Variants in AR observed in about 807,000 individuals in gnomAD.
AR encodes androgen receptor.
Under a neutral mutation model 53.9 loss-of-function variants are expected in AR, and 8 were observed. That is an observed-to-expected ratio of 0.15 (90% CI 0.09 to 0.27). The LOEUF (loss-of-function observed/expected upper bound fraction) is 0.27. AR is among the 10% of genes least tolerant of loss of function. AR has a pLI of 1.00. For missense variants in AR, 639 were observed against 742.5 expected (o/e 0.86, Z 1.62); for synonymous variants, 359 against 316.4 (o/e 1.13, Z -1.43).
At chrX:67,629,216 C>T (rs1270196095) in intron 1 of AR, among the ~76,000 whole-genome samples, 12 of 108,354 alleles carry the variant, frequency 1.1e-4, no homozygotes, top group African/African-American at 4.0e-4. Context: ...GGAATGGTAC[C>T]AGTTCCTCCT....
At chrX:67,581,865 T>C (rs1922314400) in intron 1 of AR, among the ~76,000 whole-genome samples, 2 of 111,004 alleles carry the variant, frequency 1.8e-5, no homozygotes, top group Admixed American at 1.9e-4. Context: ...TAATAGAATT[T>C]TACAAGACTC....
chrX:67,672,607 A>G lies in AR; in HGVS notation c.1769-13403A>G, dbSNP rs778074837. Among the ~76,000 whole-genome samples the G allele has an allele frequency of 2.0e-3, 222 of 111,597 alleles. 1 individual carries two copies. The highest frequency in any genetic ancestry group is 0.019 in the South Asian group (51 of 2,644). ...GATGACAACACTCTATCGCATAAAAAAACATGGAAAGAGAAAACTAATAAA... is the reference window on the plus strand; with the variant it reads ...GATGACAACACTCTATCGCATAAAAGAACATGGAAAGAGAAAACTAATAAA... On this transcript the variant is annotated intron_variant, in intron 2 of 7. Coordinates refer to ENST00000374690, the MANE Select transcript of AR (RefSeq NM_000044.6).
At chrX:67,584,029 A>C (rs1395552273) in intron 1 of AR, among the ~76,000 whole-genome samples, 2 of 112,578 alleles carry the variant, frequency 1.8e-5, no homozygotes, top group Non-Finnish European at 3.8e-5. Context: ...ATGAGTTAGC[A>C]GATATAAAAT....
intron 4 of AR, among the ~76,000 whole-genome samples, chrX:67,712,668 T>G (rs2076098324): frequency 1.8e-5 from 2 of 112,188 alleles, no homozygotes; most frequent in Non-Finnish European, 1.9e-5. Flanking sequence ...AGGGAAGCCC[T>G]AGGTCACTCT....
chrX:67,657,703 C>T (rs1365397799), intron 2 of AR, among the ~76,000 whole-genome samples: 2 of 111,804 alleles, frequency 1.8e-5, no homozygotes, highest in Admixed American at 1.9e-4. Flanking sequence ...AGCCCACCAC[C>T]CTAACACAAC....
chrX:67,695,352 T>C, intron 3 of AR: 2 of 753,963 alleles, frequency 2.7e-6, no homozygotes, highest in Non-Finnish European at 3.1e-6. Context: ...AAGGACCAGA[T>C]TTCTGCTTCT....
chrX:67,586,875 C>G (rs1237334487), intron 1 of AR, among the ~76,000 whole-genome samples: 1 of 111,675 alleles, frequency 9.0e-6, no homozygotes, highest in Admixed American at 9.5e-5. Context: ...ATGACACTTT[C>G]CTACTTTTTA....
intron 2 of AR, among the ~76,000 whole-genome samples, chrX:67,675,458 A>G (rs192974988): frequency 1.7e-4 from 19 of 111,579 alleles, no homozygotes; most frequent in Non-Finnish European, 3.4e-4. Context: ...GGCTTGCCAG[A>G]ATTTAGTTTC....
At chrX:67,676,028 A>G (rs1187283517) in intron 2 of AR, among the ~76,000 whole-genome samples, 2 of 112,308 alleles carry the variant, frequency 1.8e-5, no homozygotes, top group Non-Finnish European at 3.8e-5. Context: ...TAAAAGAGAA[A>G]TAATATAATG....
chrX:67,613,112 T>C (rs1246609390), intron 1 of AR, among the ~76,000 whole-genome samples: 1 of 111,759 alleles, frequency 8.9e-6, no homozygotes, highest in Non-Finnish European at 1.9e-5. Flanking sequence ...TCAGCTCATA[T>C]ATAAGGTAAA....
At chrX:67,614,484 G>A (rs1924023714) in intron 1 of AR, among the ~76,000 whole-genome samples, 1 of 111,435 alleles carries the variant, frequency 9.0e-6, no homozygotes, top group Non-Finnish European at 1.9e-5. Flanking sequence ...AAAACATTGT[G>A]AGTAACAACA....
chrX:67,666,336 A>C, intron 2 of AR, among the ~76,000 whole-genome samples: 1 of 111,685 alleles, frequency 9.0e-6, no homozygotes, highest in East Asian at 2.8e-4. Flanking sequence ...TGCCTGGCTT[A>C]TTTCACATAA....
chrX:67,605,772 T>A (rs1569280495), intron 1 of AR, among the ~76,000 whole-genome samples: 1 of 112,523 alleles, frequency 8.9e-6, no homozygotes, highest in Non-Finnish European at 1.9e-5. Flanking sequence ...TAGCCTTTTA[T>A]CTGTCTGTTC....
At chrX:67,622,373 G>C in intron 1 of AR, among the ~76,000 whole-genome samples, 1 of 111,361 alleles carries the variant, frequency 9.0e-6, no homozygotes. Flanking sequence ...GAAATGCAAG[G>C]ACATGACTGT....
chrX:67,701,985 C>A (rs928536986), intron 3 of AR, among the ~76,000 whole-genome samples: 1 of 111,026 alleles, frequency 9.0e-6, no homozygotes. Context: ...CCCCACTCCT[C>A]AACTCTGCTT....
intron 2 of AR, among the ~76,000 whole-genome samples, chrX:67,656,568 T>C (rs1471221241): frequency 8.9e-6 from 1 of 111,808 alleles, no homozygotes; most frequent in Non-Finnish European, 1.9e-5. Flanking sequence ...ATGTGTTAAG[T>C]ACTATACTAA....
At chrX:67,660,005 A>C (rs1023533344) in intron 2 of AR, among the ~76,000 whole-genome samples, 9 of 111,991 alleles carry the variant, frequency 8.0e-5, no homozygotes, top group African/African-American at 2.9e-4. Flanking sequence ...TGGCTGTGTA[A>C]ATGTCTTCTT....
rs776653887 is a variant in AR at position 67,710,042 on chromosome X, ATG to A, written c.1886-1350_1886-1349del. ...CCAAGAGCTTTAACTATCAAAATGTATGTGTGTGTGTTTTTGTGTGTGCATGT... is the reference window on the plus strand; with the variant it reads ...CCAAGAGCTTTAACTATCAAAATGTATGTGTGTGTTTTTGTGTGTGCATGT... On this transcript the variant is annotated intron_variant, in intron 3 of 7. Transcript: ENST00000374690. 1.4e-4 allele frequency among the ~76,000 whole-genome samples: 15 copies of A among 110,272 alleles called. No homozygotes were observed. The East Asian group carries it at 4.1e-3, about 30-fold the overall frequency.
intron 2 of AR, among the ~76,000 whole-genome samples, chrX:67,659,253 C>T (rs889790255): frequency 3.6e-5 from 4 of 110,039 alleles, no homozygotes; most frequent in African/African-American, 1.3e-4. Context: ...TTTTAGGGTA[C>T]ATGTGCACAA....
Sources: gnomAD v4.1 joint callset for allele counts (sites outside exome capture counted in the v4.1 genomes callset) on GRCh38, gnomAD v4.1.1 for gene constraint, MANE v1.5 for transcripts, NCBI Gene and HGNC (gene_info 2026-07-23, HGNC 2026-07-21) for gene names.